Variants in RABEP1 observed in about 807,000 individuals in gnomAD.
The protein encoded by RABEP1 is rabaptin, RAB GTPase binding effector protein 1, also known as rab GTPase-binding effector protein 1.
In RABEP1, 51 loss-of-function variants were observed where a neutral mutation model predicts 123.4. That is an observed-to-expected ratio of 0.41 (90% confidence interval 0.33 to 0.52). RABEP1 has a LOEUF of 0.52. RABEP1 is among the 20% of genes least tolerant of loss of function. The probability of loss-of-function intolerance (pLI) is 0.16; values close to 1 mark genes in which losing one functional copy is unlikely to be tolerated. For synonymous variants in RABEP1, 347 were observed against 355.2 expected (o/e 0.98, Z 0.26); for missense variants, 888 against 996.3 (o/e 0.89, Z 1.46).
chr17:5,329,305 C>T (rs903721486), intron 2 of RABEP1, among the ~76,000 whole-genome samples: 2 of 151,730 alleles, frequency 1.3e-5, no homozygotes, highest in African/African-American at 2.4e-5. Context: ...CTGAGGCGGG[C>T]GATCACCTGA....
intron 1 of RABEP1, among the ~76,000 whole-genome samples, chr17:5,289,030 T>G (rs911805735): frequency 6.6e-6 from 1 of 152,188 alleles, no homozygotes; most frequent in African/African-American, 2.4e-5. Context: ...TAATTTGCAC[T>G]TCCAGGATAG....
intron 5 of RABEP1, among the ~76,000 whole-genome samples, chr17:5,339,672 GC>G (rs925177057): frequency 1.2e-5 from 1 of 85,170 alleles, no homozygotes; most frequent in African/African-American, 8.5e-5. Flanking sequence ...GTGGCCACGC[GC>G]CTTGTAGTCC....
intron 13 of RABEP1, 57 bp downstream of exon 13, chr17:5,373,511 G>GT: frequency 6.6e-7 from 1 of 1,513,624 alleles, no homozygotes; most frequent in Non-Finnish European, 8.9e-7. Flanking sequence ...TGAAATGGCC[G>GT]TATGTTCTTT....
At chr17:5,285,985 A>AT (rs1380035569) in intron 1 of RABEP1, among the ~76,000 whole-genome samples, 1 of 152,164 alleles carries the variant, frequency 6.6e-6, no homozygotes, top group Non-Finnish European at 1.5e-5. Context: ...CCTTGTGCAT[A>AT]TTTTTTAAGG....
intron 4 of RABEP1, chr17:5,336,383 G>A (rs72836390): frequency 0.026 from 11,516 of 435,102 alleles, 186 homozygotes; most frequent in Non-Finnish European, 0.038. Context: ...TGGTACATTT[G>A]TCACAGCTAA....
chr17:5,344,640 C>T (rs1350283662), intron 5 of RABEP1, among the ~76,000 whole-genome samples: 2 of 150,146 alleles, frequency 1.3e-5, no homozygotes, highest in African/African-American at 4.9e-5. Context: ...GGCGTGGTGG[C>T]GGGCACCTGT....
chr17:5,286,505 A>G (rs942589579), intron 1 of RABEP1, among the ~76,000 whole-genome samples: 1 of 147,256 alleles, frequency 6.8e-6, no homozygotes, highest in African/African-American at 2.5e-5. Context: ...AAAAAAAAAG[A>G]GTTGTATTGT....
chr17:5,377,758 C>G (rs1023153050), intron 14 of RABEP1, among the ~76,000 whole-genome samples: 9 of 152,092 alleles, frequency 5.9e-5, no homozygotes, highest in African/African-American at 2.2e-4. Context: ...AACTCCTGAC[C>G]TCAGGTGATC....
intron 1 of RABEP1, among the ~76,000 whole-genome samples, chr17:5,293,029 C>A (rs1199315747): frequency 6.6e-6 from 1 of 152,070 alleles, no homozygotes; most frequent in Non-Finnish European, 1.5e-5. Context: ...GTGGCTCATG[C>A]CTATAATCTC....
intron 6 of RABEP1, among the ~76,000 whole-genome samples, chr17:5,348,812 C>T (rs996547747): frequency 1.3e-5 from 2 of 152,158 alleles, no homozygotes; most frequent in African/African-American, 2.4e-5. Context: ...CCGCCCACCT[C>T]GGCCTCCCAG....
chr17:5,358,927 AT>A (rs1457172084), intron 8 of RABEP1, among the ~76,000 whole-genome samples: 9 of 151,782 alleles, frequency 5.9e-5, no homozygotes, highest in Admixed American at 1.3e-4. Context: ...TGCCTGGCTA[AT>A]TTTTAAATTT....
At chr17:5,311,697 C>CAAAAAAAAAAAAA (rs35876639) in intron 2 of RABEP1, among the ~76,000 whole-genome samples, 1 of 70,862 alleles carries the variant, frequency 1.4e-5, no homozygotes, top group Non-Finnish European at 2.4e-5. Context: ...GACTTCATCT[C>CAAAAAAAAAAAAA]AAAAAAAAAA....
At chr17:5,319,920 G>T (rs535637426) in intron 2 of RABEP1, among the ~76,000 whole-genome samples, 1 of 152,138 alleles carries the variant, frequency 6.6e-6, no homozygotes, top group African/African-American at 2.4e-5. Context: ...AGAATTGTTG[G>T]TCTTCAAGAG....
intron 2 of RABEP1, among the ~76,000 whole-genome samples, chr17:5,323,047 C>T (rs1441588763): frequency 6.6e-6 from 1 of 152,056 alleles, no homozygotes; most frequent in Non-Finnish European, 1.5e-5. Context: ...TGCACTCCAG[C>T]CTGGGTGATG....
Position 5,377,319 on chromosome 17 carries a change from T to A in RABEP1, c.2215+14T>A, listed in dbSNP as rs1911070723. The stretch of plus-strand genomic sequence containing the variant: ...AGGAGGAAATAGGTGAAGATAAAAG[T>A]GATGTAGTTTAGAATTAGAGTCACT... On this transcript the variant is annotated intron_variant, in intron 14 of 17. Coordinates refer to ENST00000537505, the MANE Select transcript of RABEP1 (RefSeq NM_004703.6). 1 of 1,564,176 alleles carries A rather than the reference T, an allele frequency of 6.4e-7. No individual in the cohort carries two copies. The highest frequency in any genetic ancestry group is 2.3e-5 in the East Asian group (1 of 44,266).
chr17:5,316,260 G>C (rs561095861), intron 2 of RABEP1, among the ~76,000 whole-genome samples: 2 of 151,774 alleles, frequency 1.3e-5, no homozygotes, highest in Non-Finnish European at 2.9e-5. Flanking sequence ...AGAACAGCCT[G>C]GGAAACATGG....
intron 16 of RABEP1, among the ~76,000 whole-genome samples, chr17:5,380,834 C>T (rs753149882): frequency 2.0e-5 from 3 of 152,196 alleles, no homozygotes; most frequent in South Asian, 2.1e-4. Context: ...TGATGAGTTC[C>T]GTTAGAATAA....
chr17:5,370,963 CTCTT>C (rs1388999193), intron 12 of RABEP1, among the ~76,000 whole-genome samples: 1 of 146,158 alleles, frequency 6.8e-6, no homozygotes, highest in Non-Finnish European at 1.5e-5. Context: ...CCATTTGTTT[CTCTT>C]TTTTTTTTTT....
At chr17:5,339,004 T>C (rs115199951) in intron 5 of RABEP1, among the ~76,000 whole-genome samples, 1,921 of 151,944 alleles carry the variant, frequency 0.013, 41 homozygotes, top group African/African-American at 0.044. Flanking sequence ...CAAAAATTTT[T>C]TAAAAAGCCA....
Sources: allele counts gnomAD v4.1 joint callset (sites outside exome capture counted in the v4.1 genomes callset), GRCh38; gene constraint gnomAD v4.1.1; transcripts MANE v1.5; gene names NCBI Gene and HGNC (gene_info 2026-07-23, HGNC 2026-07-21).